Variants in CDC27 observed in about 807,000 individuals in gnomAD.
The protein encoded by CDC27 is cell division cycle 27.
In CDC27, 27 loss-of-function variants were observed where a neutral mutation model predicts 109.7. That is an observed-to-expected ratio of 0.25 (90% confidence interval 0.18 to 0.34). CDC27 has a LOEUF of 0.34. Ranked by LOEUF, CDC27 falls within the 10% of genes least tolerant of loss-of-function variation. The pLI is 1.00. For missense variants in CDC27, 579 were observed against 960.2 expected (o/e 0.60, Z 5.25); for synonymous variants, 266 against 333.9 (o/e 0.80, Z 2.22).
At chr17:47,137,058 A>G (rs1448941925) in intron 14 of CDC27, 94 bp downstream of exon 14, 10 of 632,786 alleles carry the variant, frequency 1.6e-5, no homozygotes, top group South Asian at 1.4e-4. Context: ...ATAAGTAACC[A>G]AATTCATGAT....
chr17:47,132,224 T>C (rs1420930022), intron 15 of CDC27, 33 bp downstream of exon 15: 1 of 958,922 alleles, frequency 1.0e-6, no homozygotes, highest in Non-Finnish European at 1.6e-6. Flanking sequence ...AAAGGGAGAT[T>C]AATAGAGTAT....
rs914811092 is a variant in CDC27, at chr17:47,118,851, G to A, written c.*2084C>T. On this transcript the variant is annotated 3_prime_UTR_variant, in exon 19 of 19. Transcript: ENST00000066544. The stretch of plus-strand genomic sequence containing the variant: ...AGGAAAAATAAAATAGGCCAAGCTT[G>A]GGCGGAAACTGTCCCCCAACCAGCC... 2.0e-5 allele frequency: 3 copies of A among 152,136 alleles called. No homozygotes were observed. The highest frequency in any genetic ancestry group is 2.9e-5 in the Non-Finnish European group (2 of 68,032). The allele number at this position is 152,136 out of a possible 1,614,324, so 9.4% of individuals were successfully genotyped here. A position where few individuals can be genotyped will look rare whatever the true frequency, so the allele number is the denominator to read the frequency against.
chr17:47,174,109 A>G (rs1378536302), intron 2 of CDC27, among the ~76,000 whole-genome samples: 1 of 152,212 alleles, frequency 6.6e-6, no homozygotes, highest in Non-Finnish European at 1.5e-5. Context: ...ATAAATAAAT[A>G]TAATGAAACT....
chr17:47,160,691 T>C (rs1236707116), intron 4 of CDC27, among the ~76,000 whole-genome samples: 3 of 152,222 alleles, frequency 2.0e-5, no homozygotes, highest in African/African-American at 7.2e-5. Flanking sequence ...TTCTAAGGTT[T>C]TATATATAAA....
chr17:47,125,349 T>C (rs1416789500), intron 16 of CDC27, among the ~76,000 whole-genome samples: 1 of 142,544 alleles, frequency 7.0e-6, no homozygotes, highest in Non-Finnish European at 1.5e-5. Context: ...CAGTGTCAAG[T>C]GATTCTCCTG....
Position 47,120,927 on chromosome 17 carries a change from T to A in CDC27, c.*8A>T. 6.2e-7 allele frequency: 1 copy of A among 1,604,008 alleles called. No individual in the cohort carries two copies. The highest frequency in any genetic ancestry group is 8.5e-7 in the Non-Finnish European group (1 of 1,171,672). On this transcript the variant is annotated 3_prime_UTR_variant, in exon 19 of 19. Transcript: ENST00000066544. ...CACATCCAGTTGTAAAAGTCTGATT[T>A]CCAGAAGTTAAAATTCATCACTTTC...
At chr17:47,135,100 A>C (rs1429613968) in intron 14 of CDC27, among the ~76,000 whole-genome samples, 1 of 152,152 alleles carries the variant, frequency 6.6e-6, no homozygotes, top group African/African-American at 2.4e-5. Context: ...TTATACAGCT[A>C]ATAAAGATTC....
At chr17:47,147,136 C>T (rs1402684698) in intron 9 of CDC27, among the ~76,000 whole-genome samples, 2 of 152,130 alleles carry the variant, frequency 1.3e-5, no homozygotes, top group Non-Finnish European at 2.9e-5. Context: ...CGCGGTGGCT[C>T]ACGCCTGTAA....
In CDC27 at chr17:47,129,557, T is replaced by C. The variant is rs567090210; in HGVS notation, c.2032-36A>G. 247 of 1,489,262 alleles carry C rather than the reference T, an allele frequency of 1.7e-4. 1 individual carries two copies. In the South Asian group the frequency reaches 2.0e-3, roughly 12 times the overall value. The allele number at this position is 1,489,262 out of a possible 1,614,324, so 92.3% of individuals were successfully genotyped here. On this transcript the variant is annotated intron_variant, in intron 15 of 18. Coordinates refer to ENST00000066544, the MANE Select transcript of CDC27 (RefSeq NM_001256.6). ...TAAAGATCATGTTAATACTCCCTCT[T>C]GATATTTATGAAGAAAGGTGAGAAC...
At chr17:47,166,572 T>C (rs898897325) in intron 4 of CDC27, among the ~76,000 whole-genome samples, 1 of 152,160 alleles carries the variant, frequency 6.6e-6, no homozygotes, top group Non-Finnish European at 1.5e-5. Context: ...ATTTTCTCTA[T>C]TGTTTTTCTG....
intron 2 of CDC27, among the ~76,000 whole-genome samples, chr17:47,177,524 G>T (rs1225447686): frequency 2.0e-5 from 3 of 152,122 alleles, no homozygotes; most frequent in African/African-American, 7.2e-5. Flanking sequence ...GCCGAGATTG[G>T]GCCACTGCAC....
Position 47,120,434 on chromosome 17 carries a change from G to A in CDC27, c.*501C>T, listed in dbSNP as rs138180554. On this transcript the variant is annotated 3_prime_UTR_variant, in exon 19 of 19. Coordinates refer to ENST00000066544, the MANE Select transcript of CDC27 (RefSeq NM_001256.6). ...GTAATTTACATTCCTTGGCAATCAA[G>A]TCACTGTTATAGGCAACGTCTTTTA... 6.5e-6 allele frequency: 1 copy of A among 153,604 alleles called. No homozygotes were observed. The highest frequency in any genetic ancestry group is 1.9e-4 in the East Asian group (1 of 5,206). 9.5% of individuals were successfully genotyped at this position (153,604 alleles called of 1,614,324 possible). A position where few individuals can be genotyped will look rare whatever the true frequency, so the allele number is the denominator to read the frequency against.
intron 13 of CDC27, 78 bp downstream of exon 13, chr17:47,138,661 G>T: frequency 1.0e-6 from 1 of 982,570 alleles, no homozygotes; most frequent in Non-Finnish European, 1.6e-6. Context: ...AATAGTGTTT[G>T]AATTGCTTGG....
intron 5 of CDC27, 152 bp from the exon 6 acceptor site, chr17:47,157,536 A>G (rs939617839): frequency 3.8e-6 from 2 of 526,802 alleles, no homozygotes; most frequent in Non-Finnish European, 6.7e-6. Flanking sequence ...TACCCCCAAA[A>G]AACCCATCTA....
chr17:47,139,263 ACT>A (rs1399722763), intron 12 of CDC27, among the ~76,000 whole-genome samples: 282 of 149,674 alleles, frequency 1.9e-3, no homozygotes, highest in Non-Finnish European at 3.3e-3. Context: ...TTACAGAATA[ACT>A]CTTTTTTTTT....
At chr17:47,179,347 T>C (rs2148995003) in intron 2 of CDC27, among the ~76,000 whole-genome samples, 1 of 152,154 alleles carries the variant, frequency 6.6e-6, no homozygotes, top group African/African-American at 2.4e-5. Context: ...AAGAAAACTG[T>C]TGCCAAGAAT....
At chr17:47,178,902 A>G (rs1243588051) in intron 2 of CDC27, among the ~76,000 whole-genome samples, 1 of 152,018 alleles carries the variant, frequency 6.6e-6, no homozygotes, top group African/African-American at 2.4e-5. Flanking sequence ...TCCCGGGTTC[A>G]AGCAATTCTC....
At chr17:47,157,175 G>A in intron 6 of CDC27, 51 bp from the exon 7 acceptor site, 1 of 1,551,930 alleles carries the variant, frequency 6.4e-7, no homozygotes, top group Non-Finnish European at 8.8e-7. Flanking sequence ...ATTTAGTTCA[G>A]ATCATTCTTT....
intron 2 of CDC27, 126 bp downstream of exon 2, chr17:47,181,436 G>C (rs889254921): frequency 1.9e-6 from 1 of 522,730 alleles, no homozygotes; most frequent in Non-Finnish European, 3.5e-6. Flanking sequence ...AAGATTTTAT[G>C]AACTAGTGTC....
Sources: allele counts gnomAD v4.1 joint callset (sites outside exome capture counted in the v4.1 genomes callset), GRCh38; gene constraint gnomAD v4.1.1; transcripts MANE v1.5; gene names NCBI Gene and HGNC (gene_info 2026-07-23, HGNC 2026-07-21).